The following WNK2 variants were observed in gnomAD, a reference collection of about 807,000 sequenced individuals.
WNK2 encodes WNK lysine deficient protein kinase 2.
In WNK2, 67 loss-of-function variants were observed where a neutral mutation model predicts 192.1. That is an observed-to-expected ratio of 0.35 (90% CI 0.29 to 0.43). The LOEUF is 0.43. Ranked by LOEUF, WNK2 falls within the 20% of genes least tolerant of loss-of-function variation. The pLI, the probability that WNK2 is intolerant of heterozygous loss-of-function variation, is 1.00. For missense variants in WNK2, 2,698 were observed against 3,089.7 expected (o/e 0.87, Z 3.01); for synonymous variants, 1,439 against 1,393.9 (o/e 1.03, Z -0.72).
chr9:93,196,478 C>T (rs574038609), intron 2 of WNK2, among the ~76,000 whole-genome samples: 1 of 152,272 alleles, frequency 6.6e-6, no homozygotes, highest in South Asian at 2.1e-4. Context: ...TGTCCCTAGT[C>T]TTGCTTGGCC....
rs1239790511 is a variant in WNK2, at chr9:93,239,784, C to T, written c.1350C>T (p.His450=). ...ERYEIKDLLS[H]AFFAEDTGVR... ...ACGAGATCAAAGACCTGCTGAGCCACGCCTTCTTCGCAGAGGACACAGGCG... is the reference window on the plus strand; with the variant it reads ...ACGAGATCAAAGACCTGCTGAGCCATGCCTTCTTCGCAGAGGACACAGGCG... The change falls in exon 7 of 30, where the codon CAC becomes CAT. Residue 450 remains histidine, a synonymous_variant. Coordinates refer to ENST00000427277, the MANE Select transcript of WNK2 (RefSeq NM_006648.4). The surrounding 1 kb of genome is among the most constrained non-coding windows in gnomAD (Gnocchi z 4.2). 60 of 1,563,972 alleles carry T rather than the reference C, an allele frequency of 3.8e-5. No individual in the cohort carries two copies. Among genetic ancestry groups the T allele is most frequent in the Non-Finnish European group, 4.9e-5 (56 of 1,154,634 alleles).
intron 19 of WNK2, among the ~76,000 whole-genome samples, chr9:93,277,732 A>C (rs1429628509): frequency 1.3e-5 from 2 of 152,182 alleles, no homozygotes. Flanking sequence ...GGGGTGATGG[A>C]ATTGTTTTCT....
chr9:93,292,580 G>A lies in WNK2; in HGVS notation c.5115G>A (p.Pro1705=), dbSNP rs55812206. 140 of 1,573,484 alleles carry A rather than the reference G, an allele frequency of 8.9e-5. No homozygotes were observed. The highest frequency in any genetic ancestry group is 1.1e-4 in the Non-Finnish European group (130 of 1,157,642). The part of the protein sequence containing the change: ...EAGESSAEPP[P]SDMGTVGGQA... ...GAGAAAGCTCGGCAGAGCCCCCGCC[G>A]AGTGACATGGGCACAGTGGGGGGCC... The change falls in exon 23 of 30, where the codon CCG becomes CCA. Residue 1705 remains proline (P), a synonymous_variant. Coordinates refer to ENST00000427277, the MANE Select transcript of WNK2 (RefSeq NM_006648.4).
intron 26 of WNK2, among the ~76,000 whole-genome samples, chr9:93,305,399 C>T (rs1322061076): frequency 6.6e-6 from 1 of 152,230 alleles, no homozygotes; most frequent in Non-Finnish European, 1.5e-5. Flanking sequence ...GATATCAGCT[C>T]TGTGTTCCTG....
intron 2 of WNK2, among the ~76,000 whole-genome samples, chr9:93,222,246 T>G (rs1312292192): frequency 6.6e-6 from 1 of 152,126 alleles, no homozygotes; most frequent in Non-Finnish European, 1.5e-5. Context: ...TTGGCTCAGC[T>G]GCAACCTCTG....
intron 16 of WNK2, chr9:93,267,190 A>G (rs1056752609): frequency 6.5e-6 from 1 of 153,258 alleles, no homozygotes; most frequent in Non-Finnish European, 1.5e-5. Context: ...TGCCCGGGCC[A>G]TAGTTGAAGG....
At chr9:93,318,055 C>CA (rs1564252865) in intron 29 of WNK2, 5 of 1,611,606 alleles carry the variant, frequency 3.1e-6, no homozygotes, top group African/African-American at 1.3e-5. Flanking sequence ...GCCGTCTCCA[C>CA]ACCCACTTCC....
intron 2 of WNK2, among the ~76,000 whole-genome samples, chr9:93,203,367 C>T (rs1459607533): frequency 1.3e-5 from 2 of 152,166 alleles, no homozygotes; most frequent in African/African-American, 4.8e-5. Context: ...GGAGCAGCCA[C>T]CCAGGCTGGG....
chr9:93,189,871 G>C (rs1830015867), intron 2 of WNK2, among the ~76,000 whole-genome samples: 2 of 152,208 alleles, frequency 1.3e-5, no homozygotes, highest in African/African-American at 4.8e-5. Context: ...AGCCTCACCT[G>C]CTTTTAGCCC....
chr9:93,308,225 G>C (rs1327979434), intron 27 of WNK2, 103 bp from the exon 28 acceptor site: 83 of 1,474,090 alleles, frequency 5.6e-5, no homozygotes, highest in Non-Finnish European at 7.3e-5. Flanking sequence ...GCCCAAGTGA[G>C]ACCATTGTCT....
intron 7 of WNK2, among the ~76,000 whole-genome samples, chr9:93,240,678 C>T (rs904348901): frequency 3.9e-5 from 6 of 151,994 alleles, no homozygotes; most frequent in South Asian, 2.1e-4. Flanking sequence ...GGAGAGGCCA[C>T]GCTGACGATG....
chr9:93,243,315 C>T (rs529929759), intron 7 of WNK2, among the ~76,000 whole-genome samples: 241 of 152,246 alleles, frequency 1.6e-3, no homozygotes, highest in African/African-American at 5.7e-3. Context: ...CGCCCTCCTG[C>T]AGGGTCATTG....
chr9:93,204,134 C>A (rs1010245604), intron 2 of WNK2, among the ~76,000 whole-genome samples: 1 of 152,072 alleles, frequency 6.6e-6, no homozygotes, highest in African/African-American at 2.4e-5. Flanking sequence ...GGTGTTTTAA[C>A]TGCCTGCTTG....
chr9:93,227,013 C>A (rs1837930320), intron 2 of WNK2, among the ~76,000 whole-genome samples: 1 of 152,112 alleles, frequency 6.6e-6, no homozygotes. Flanking sequence ...AGGTGTGAAC[C>A]CTGCCAAGCC....
intron 23 of WNK2, among the ~76,000 whole-genome samples, chr9:93,293,698 C>A (rs1849749964): frequency 6.6e-6 from 1 of 152,114 alleles, no homozygotes; most frequent in African/African-American, 2.4e-5. Flanking sequence ...GTCTGCTTGG[C>A]TTCTGGCTTC....
At chr9:93,232,178 C>T (rs1267196650) in intron 4 of WNK2, among the ~76,000 whole-genome samples, 2 of 152,230 alleles carry the variant, frequency 1.3e-5, no homozygotes, top group African/African-American at 4.8e-5. Context: ...TGTTTGGGGA[C>T]AGAACTTGGC....
chr9:93,292,296 A>C lies in WNK2; in HGVS notation c.4937-12A>C. 6.2e-7 allele frequency: 1 copy of C among 1,613,592 alleles called. No individual in the cohort carries two copies. The highest frequency in any genetic ancestry group is 8.5e-7 in the Non-Finnish European group (1 of 1,179,736). ...TCCTTCAGCCCCAGTAACGTTTCTG[A>C]TGTTCCCATAGCAGAGTCGTCTCCC... On this transcript the variant is annotated splice_polypyrimidine_tract_variant and intron_variant, in intron 21 of 29. Transcript: ENST00000427277.
At chr9:93,268,792 C>T (rs1488209414) in intron 19 of WNK2, 46 bp downstream of exon 19, 5 of 1,592,950 alleles carry the variant, frequency 3.1e-6, no homozygotes, top group Admixed American at 3.5e-5. Flanking sequence ...GTTTCATGTA[C>T]AGGCCTCCTT....
intron 5 of WNK2, among the ~76,000 whole-genome samples, chr9:93,236,408 C>T (rs1839825010): frequency 6.6e-6 from 1 of 152,208 alleles, no homozygotes; most frequent in South Asian, 2.1e-4. Flanking sequence ...CCTCCCTGAC[C>T]TTGGGAAAAT....
Sources: allele counts gnomAD v4.1 joint callset (sites outside exome capture counted in the v4.1 genomes callset), GRCh38; gene constraint gnomAD v4.1.1; non-coding constraint Gnocchi (gnomAD v3.1); transcripts MANE v1.5; gene names NCBI Gene and HGNC (gene_info 2026-07-23, HGNC 2026-07-21).